PHF19: variants seen among roughly 807,000 people sequenced by gnomAD.
The protein encoded by PHF19 is polycomb like 3.
A neutral mutation model predicts 79.8 loss-of-function variants in PHF19; 21 were observed. The observed-to-expected ratio is 0.26, with a 90% CI of 0.19 to 0.38. The LOEUF (loss-of-function observed/expected upper bound fraction) is 0.38, where lower values mean the gene tolerates loss of function less well. Ranked by LOEUF, PHF19 falls within the 10% of genes least tolerant of loss-of-function variation. PHF19 has a pLI of 1.00. For synonymous variants in PHF19, 273 were observed against 296.3 expected (o/e 0.92, Z 0.81); for missense variants, 445 against 744.2 (o/e 0.60, Z 4.68).
upstream of PHF19, chr9:120,877,230 G>T: frequency 1.1e-6 from 1 of 950,238 alleles, no homozygotes; most frequent in South Asian, 4.7e-5. Context: ...GCGGGGGCGG[G>T]GCGGGGCGGG....
the PHF19 span, among the ~76,000 whole-genome samples, chr9:120,900,659 T>A: frequency 3.3e-5 from 5 of 152,208 alleles, no homozygotes; most frequent in African/African-American, 1.2e-4. Context: ...CTCCAACTCC[T>A]GGGCTCAAGG....
At chr9:120,873,515 C>G (rs1038813753) in intron 3 of PHF19, among the ~76,000 whole-genome samples, 1 of 152,250 alleles carries the variant, frequency 6.6e-6, no homozygotes, top group African/African-American at 2.4e-5. Context: ...CCTCCCAACT[C>G]CTTGCCCCGT....
chr9:120,860,044 T>C lies in PHF19; in HGVS notation c.1400+46A>G, dbSNP rs976022655. 1.0e-6 allele frequency: 1 copy of C among 958,766 alleles called. No individual in the cohort carries two copies. Among genetic ancestry groups the C allele is most frequent in the African/African-American group, 1.6e-5 (1 of 61,954 alleles). The allele number at this position is 958,766 out of a possible 1,614,324, so 59.4% of individuals were successfully genotyped here. ...TGGGAGGTGGAGGGGCTGAGAGGAATGATGGTCCTTGCAAAATGTGAAGGC... is the reference window on the plus strand; with the variant it reads ...TGGGAGGTGGAGGGGCTGAGAGGAACGATGGTCCTTGCAAAATGTGAAGGC... On this transcript the variant is annotated intron_variant, in intron 14 of 14. Transcript: ENST00000373896. The surrounding 1 kb of genome is among the most constrained non-coding windows in gnomAD (Gnocchi z 4.1).
intron 6 of PHF19, chr9:120,868,444 A>G (rs2045772022): frequency 6.6e-6 from 1 of 152,336 alleles, no homozygotes; most frequent in Non-Finnish European, 1.5e-5. Context: ...TGGGGAAACT[A>G]TTCAGAGAGC....
At chr9:120,887,121 G>A (rs1176316009) in intron 1 of PHF19, among the ~76,000 whole-genome samples, 3 of 151,528 alleles carry the variant, frequency 2.0e-5, no homozygotes, top group African/African-American at 7.3e-5. Flanking sequence ...TCGATAGAGT[G>A]AGTAGGCCAC....
chr9:120,867,078 T>C, intron 6 of PHF19, 113 bp from the exon 7 acceptor site: 1 of 677,432 alleles, frequency 1.5e-6, no homozygotes, highest in South Asian at 1.6e-5. Flanking sequence ...GGGAAGAGAA[T>C]TCAGTTACTG....
chr9:120,862,507 G>C lies in PHF19; in HGVS notation c.1130+81C>G. Reference sequence around the variant, plus strand: ...GGGTCCTACAGCTGGGACTGGCTGGGTGCAGGTCCTCCTTGCTTGCTTGGA... The same window carrying C: ...GGGTCCTACAGCTGGGACTGGCTGGCTGCAGGTCCTCCTTGCTTGCTTGGA... On this transcript the variant is annotated intron_variant, in intron 11 of 14. Coordinates refer to ENST00000373896, the MANE Select transcript of PHF19 (RefSeq NM_015651.3). This position sits in a 1 kb window ranked among gnomAD's most constrained non-coding sequence, Gnocchi z 4.6. 2 of 1,269,474 alleles carry C rather than the reference G, an allele frequency of 1.6e-6. No homozygotes were observed. The highest frequency in any genetic ancestry group is 2.3e-5 in the East Asian group (1 of 43,152). The allele number at this position is 1,269,474 out of a possible 1,614,324, so 78.6% of individuals were successfully genotyped here. A position where few individuals can be genotyped will look rare whatever the true frequency, so the allele number is the denominator to read the frequency against.
intron 14 of PHF19, among the ~76,000 whole-genome samples, chr9:120,858,970 T>C (rs537358720): frequency 4.0e-5 from 6 of 151,792 alleles, no homozygotes; most frequent in African/African-American, 1.2e-4. Flanking sequence ...CAGGAAGAAA[T>C]AGGCCAGGCA....
chr9:120,867,779 G>C (rs546455675), intron 6 of PHF19, among the ~76,000 whole-genome samples: 21 of 152,328 alleles, frequency 1.4e-4, no homozygotes, highest in African/African-American at 4.3e-4. Flanking sequence ...AAGTTACCCA[G>C]CTGGAGCTTG....
chr9:120,901,611 G>A, the PHF19 span, among the ~76,000 whole-genome samples: 64 of 152,306 alleles, frequency 4.2e-4, no homozygotes, highest in South Asian at 6.4e-3. Flanking sequence ...TTGCCACACC[G>A]TTGAGGGAAG....
At chr9:120,879,985 G>A (rs2046155150), upstream of PHF19, among the ~76,000 whole-genome samples, 2 of 151,554 alleles carry the variant, frequency 1.3e-5, no homozygotes, top group Non-Finnish European at 2.9e-5. Context: ...TGGGCACGGA[G>A]TCGAGTCTGT....
At chr9:120,897,496 A>C (rs925683639), upstream of PHF19, among the ~76,000 whole-genome samples, 6 of 152,226 alleles carry the variant, frequency 3.9e-5, no homozygotes, top group African/African-American at 1.4e-4. Flanking sequence ...CCTGTAGCCA[A>C]GGCACTGAAA....
chr9:120,899,590 C>T (rs980869109), upstream of PHF19, among the ~76,000 whole-genome samples: 5 of 152,148 alleles, frequency 3.3e-5, no homozygotes, highest in East Asian at 1.9e-4. Flanking sequence ...GGCATCCTTA[C>T]GACAACATGG....
chr9:120,876,836 G>T, intron 1 of PHF19: 1 of 263,352 alleles, frequency 3.8e-6, no homozygotes, highest in Non-Finnish European at 5.9e-6. Context: ...ACCCCGATAG[G>T]AAAATTAAAG....
chr9:120,900,914 T>C, the PHF19 span, among the ~76,000 whole-genome samples: 1 of 152,238 alleles, frequency 6.6e-6, no homozygotes, highest in Admixed American at 6.5e-5. Flanking sequence ...GAATTAGTAA[T>C]TGAAGGCATA....
chr9:120,895,677 T>C (rs2046395486), upstream of PHF19, among the ~76,000 whole-genome samples: 1 of 152,182 alleles, frequency 6.6e-6, no homozygotes, highest in Non-Finnish European at 1.5e-5. Context: ...ACTTTTTTTT[T>C]TGAGTCAAGT....
upstream of PHF19, among the ~76,000 whole-genome samples, chr9:120,895,214 A>G (rs1036227598): frequency 1.3e-5 from 2 of 152,118 alleles, no homozygotes; most frequent in Non-Finnish European, 2.9e-5. Context: ...GACCCTGCTG[A>G]CACCTTAATG....
In PHF19 at chr9:120,869,753, T is replaced by A. The variant is rs763502418; in HGVS notation, c.465+92A>T. On this transcript the variant is annotated intron_variant, in intron 5 of 14. Transcript: ENST00000373896. This position sits in a 1 kb window ranked among gnomAD's most constrained non-coding sequence, Gnocchi z 5.8. ...CTCCAAAGCCCAGGTGTGGCCCTTCTGCTTGGAGCTCAGACTCTGTGATGG... is the reference window on the plus strand; with the variant it reads ...CTCCAAAGCCCAGGTGTGGCCCTTCAGCTTGGAGCTCAGACTCTGTGATGG... 14 of 1,589,720 alleles carry A rather than the reference T, an allele frequency of 8.8e-6. No individual in the cohort carries two copies. In the East Asian group the frequency reaches 3.2e-4, roughly 36 times the overall value.
chr9:120,872,046 A>AG (rs1281635658), intron 3 of PHF19, among the ~76,000 whole-genome samples: 27 of 140,272 alleles, frequency 1.9e-4, no homozygotes, highest in Non-Finnish European at 3.8e-4. Flanking sequence ...TCAAAAAAAA[A>AG]AAAAAAAAAA....
Sources: gnomAD v4.1 joint callset for allele counts (sites outside exome capture counted in the v4.1 genomes callset) on GRCh38, gnomAD v4.1.1 for gene constraint, Gnocchi (gnomAD v3.1) non-coding constraint, MANE v1.5 for transcripts, NCBI Gene and HGNC (gene_info 2026-07-23, HGNC 2026-07-21) for gene names.